The following KCNMA1 variants were observed in gnomAD, a reference collection of about 807,000 sequenced individuals.
KCNMA1 encodes the protein Calcium-activated potassium channel subunit alpha-1.
KCNMA1 carries 29 observed loss-of-function variants against 140.0 expected under a neutral mutation model. That is an observed-to-expected ratio of 0.21 (90% CI 0.15 to 0.28). KCNMA1 has a LOEUF of 0.28. Ranked by LOEUF, KCNMA1 falls within the 10% of genes least tolerant of loss-of-function variation. The pLI is 1.00. For missense variants in KCNMA1, 880 were observed against 1,602.2 expected, an observed-to-expected ratio of 0.55 and a Z score of 7.70; for synonymous variants, 612 against 611.9, an observed-to-expected ratio of 1.00 and a Z score of 0.00.
At chr10:77,620,791 T>C (rs928401521) in intron 1 of KCNMA1, among the ~76,000 whole-genome samples, 1 of 152,216 alleles carries the variant, frequency 6.6e-6, no homozygotes, top group African/African-American at 2.4e-5. Context: ...TTGCACTGTG[T>C]TTTTAATTTG....
At chr10:77,585,489 A>C (rs1167220931) in intron 1 of KCNMA1, among the ~76,000 whole-genome samples, 1 of 152,240 alleles carries the variant, frequency 6.6e-6, no homozygotes, top group Non-Finnish European at 1.5e-5. Flanking sequence ...CCAAGCTCTT[A>C]TCAGATTGCT....
At chr10:77,181,071 G>A in intron 5 of KCNMA1, among the ~76,000 whole-genome samples, 1 of 152,160 alleles carries the variant, frequency 6.6e-6, no homozygotes, top group East Asian at 1.9e-4. Context: ...CTGCAGAGGA[G>A]GATGTCTCCA....
At chr10:77,527,157 C>T (rs2056072970) in intron 1 of KCNMA1, among the ~76,000 whole-genome samples, 1 of 152,192 alleles carries the variant, frequency 6.6e-6, no homozygotes, top group Admixed American at 6.5e-5. Context: ...CTGCCTCATG[C>T]AGTATTAATA....
rs148201134 is a variant in KCNMA1, at chr10:77,065,157, C to T, written c.1749+7940G>A. Reference sequence around the variant, plus strand: ...TATTGAGTAGCTATTATGAGTCAGGCGCTGTTCTAGGCACTGAGGATTCAG... The same window carrying T: ...TATTGAGTAGCTATTATGAGTCAGGTGCTGTTCTAGGCACTGAGGATTCAG... On this transcript the variant is annotated intron_variant, in intron 14 of 27. Coordinates refer to ENST00000286628, the MANE Select transcript of KCNMA1 (RefSeq NM_001161352.2). Among the ~76,000 whole-genome samples, 709 of 152,206 alleles carry T rather than the reference C, an allele frequency of 4.7e-3. 6 individuals are homozygous for T. Among genetic ancestry groups the T allele is most frequent in the African/African-American group, 0.016 (668 of 41,518 alleles).
chr10:76,876,353 A>T (rs1394944815), downstream of KCNMA1: 1 of 152,614 alleles, frequency 6.6e-6, no homozygotes, highest in Non-Finnish European at 1.5e-5. Context: ...CATATCAAAG[A>T]TTGATAATTT....
chr10:77,022,876 C>A (rs1354526373), intron 16 of KCNMA1: 16 of 442,894 alleles, frequency 3.6e-5, no homozygotes, highest in South Asian at 2.6e-4. Flanking sequence ...AATGATCTAG[C>A]AATCTCTCAG....
At position 77,206,281 on chromosome 10, in the gene KCNMA1, C is replaced by T. The variant is rs2044073752; in HGVS notation, c.603-21365G>A. ...ATTAATCTCATTGTGTTCTAACTCA[C>T]TGTTAAATCAATAAAAGAGTTTGAA... On this transcript the variant is annotated intron_variant, in intron 3 of 27. Transcript: ENST00000286628. Among the ~76,000 whole-genome samples, 2 of 152,096 alleles carry T rather than the reference C, an allele frequency of 1.3e-5. 1 individual carries two copies. Among genetic ancestry groups the T allele is most frequent in the South Asian group, 4.1e-4 (2 of 4,820 alleles).
rs150729908 is a variant in KCNMA1, at chr10:77,101,619, C to A, written c.1223+6862G>T. The stretch of plus-strand genomic sequence containing the variant: ...TGAGGGGTTCAGGCTGGGGAAGTCA[C>A]GTGGCTCATGCAATGAGGGCTGAAT... On this transcript the variant is annotated intron_variant, in intron 9 of 27. Transcript: ENST00000286628. 1.9e-3 allele frequency among the ~76,000 whole-genome samples: 283 copies of A among 152,152 alleles called. 2 individuals are homozygous for A. The highest frequency in any genetic ancestry group is 6.6e-3 in the African/African-American group (275 of 41,520).
At chr10:77,462,500 T>C (rs1241560930) in intron 1 of KCNMA1, among the ~76,000 whole-genome samples, 2 of 152,194 alleles carry the variant, frequency 1.3e-5, no homozygotes, top group Admixed American at 1.3e-4. Flanking sequence ...CACACATCTA[T>C]AGATGCTCAT....
At chr10:77,401,410 C>T (rs2096262505) in intron 2 of KCNMA1, among the ~76,000 whole-genome samples, 1 of 152,142 alleles carries the variant, frequency 6.6e-6, no homozygotes, top group Admixed American at 6.5e-5. Flanking sequence ...CCACCTGAGC[C>T]TCCCAAAGTG....
At chr10:77,176,058 G>A (rs970260596) in intron 5 of KCNMA1, among the ~76,000 whole-genome samples, 2 of 152,214 alleles carry the variant, frequency 1.3e-5, no homozygotes, top group African/African-American at 4.8e-5. Flanking sequence ...GACCCTGCCT[G>A]AAGGTGGGGC....
chr10:77,271,851 TCA>T (rs2065243805), intron 2 of KCNMA1, among the ~76,000 whole-genome samples: 1 of 152,120 alleles, frequency 6.6e-6, no homozygotes, highest in Non-Finnish European at 1.5e-5. Context: ...AAAAAAAAGC[TCA>T]GATACTCTGA....
At chr10:77,021,466 C>T (rs79111234) in intron 16 of KCNMA1, among the ~76,000 whole-genome samples, 9,227 of 152,252 alleles carry the variant, frequency 0.061, 306 homozygotes, top group Middle Eastern at 0.088. Flanking sequence ...GCACCATCAC[C>T]CTCCACTTTG....
intron 1 of KCNMA1, among the ~76,000 whole-genome samples, chr10:77,472,975 C>T (rs1475014270): frequency 6.6e-6 from 1 of 152,196 alleles, no homozygotes; most frequent in East Asian, 1.9e-4. Context: ...CAAACCAAAA[C>T]CCAAATGTGC....
At chr10:76,914,106 G>T (rs1301970523) in intron 24 of KCNMA1, 2 of 1,550,242 alleles carry the variant, frequency 1.3e-6, no homozygotes, top group African/African-American at 1.4e-5. Context: ...TTTCCTGATT[G>T]ACTGATACCA....
chr10:77,527,539 C>T (rs558948762), intron 1 of KCNMA1, among the ~76,000 whole-genome samples: 9 of 152,224 alleles, frequency 5.9e-5, no homozygotes, highest in African/African-American at 2.2e-4. Flanking sequence ...ACCAGGATGT[C>T]CAGGCCAGGA....
At chr10:77,356,302 G>A (rs987887577) in intron 2 of KCNMA1, among the ~76,000 whole-genome samples, 12 of 152,144 alleles carry the variant, frequency 7.9e-5, no homozygotes, top group African/African-American at 2.6e-4. Flanking sequence ...TATCAATAAC[G>A]GAAGCTACAG....
At chr10:77,407,838 C>T (rs944209064) in intron 1 of KCNMA1, among the ~76,000 whole-genome samples, 1 of 152,198 alleles carries the variant, frequency 6.6e-6, no homozygotes, top group African/African-American at 2.4e-5. Flanking sequence ...TAAGAGTAAT[C>T]CACTGAAGCT....
At chr10:77,216,239 G>A (rs937489205) in intron 3 of KCNMA1, among the ~76,000 whole-genome samples, 1 of 152,096 alleles carries the variant, frequency 6.6e-6, no homozygotes, top group African/African-American at 2.4e-5. Flanking sequence ...TCTTTCGGGG[G>A]TGTTGAAAAT....
Sources: allele counts gnomAD v4.1 joint callset (sites outside exome capture counted in the v4.1 genomes callset), GRCh38; gene constraint gnomAD v4.1.1; transcripts MANE v1.5; gene names NCBI Gene and HGNC (gene_info 2026-07-23, HGNC 2026-07-21).